The following DKKL1 variants were observed in gnomAD, a reference collection of about 807,000 sequenced individuals.
The protein encoded by DKKL1 is dickkopf-like protein 1.
Under a neutral mutation model 16.5 loss-of-function variants are expected in DKKL1, and 11 were observed. The observed-to-expected ratio is 0.67, with a 90% confidence interval of 0.42 to 1.10. DKKL1 has a LOEUF of 1.10. Ranked by LOEUF, DKKL1 falls within the 50% of genes least tolerant of loss-of-function variation. The probability of loss-of-function intolerance (pLI) is 0.00; values close to 1 mark genes in which losing one functional copy is unlikely to be tolerated. For missense variants in DKKL1, 320 were observed against 308.1 expected (o/e 1.04, Z -0.29); for synonymous variants, 119 against 133.2 (o/e 0.89, Z 0.73).
At chr19:49,364,320 C>G (rs1973158666) in intron 1 of DKKL1, among the ~76,000 whole-genome samples, 2 of 149,094 alleles carry the variant, frequency 1.3e-5, no homozygotes, top group Admixed American at 6.7e-5. Flanking sequence ...CCACTGTACT[C>G]CAGCCTGGAC....
At position 49,367,406 on chromosome 19, in the gene DKKL1, C is replaced by CTTT. The variant is rs10648468; in HGVS notation, c.417+1537_417+1539dup. On this transcript the variant is annotated intron_variant, in intron 4 of 4. Coordinates refer to ENST00000221498, the MANE Select transcript of DKKL1 (RefSeq NM_014419.4). The stretch of plus-strand genomic sequence containing the variant: ...CGTTGTGTATTTCACCTTTGGTAAA[C>CTTT]TTTTTTTTTTTTTTTTTTGGAGACG... Among the ~76,000 whole-genome samples, 31 of 131,788 alleles carry CTTT rather than the reference C, an allele frequency of 2.4e-4. 1 individual carries two copies. The highest frequency in any genetic ancestry group is 4.3e-3 in the Middle Eastern group (1 of 234). The allele number at this position is 131,788 out of a possible 152,430, so 86.5% of individuals were successfully genotyped here.
chr19:49,375,017 C>A lies in DKKL1; in HGVS notation c.718C>A (p.Arg240=). 6.2e-7 allele frequency: 1 copy of A among 1,605,966 alleles called. No individual in the cohort carries two copies. Among genetic ancestry groups the A allele is most frequent in the Non-Finnish European group, 8.5e-7 (1 of 1,175,968 alleles). ...CTTACTGTACATCCTCAGGCCCTCT[C>A]GGCAGCTGTAGGGGTGGGGACCGGG... ...THLLYILRPS[R]QL is the part of the protein sequence containing the mutation. Residue 240 remains arginine, a synonymous_variant, in exon 5 of 5, where the codon CGG becomes AGG. Coordinates refer to ENST00000221498, the MANE Select transcript of DKKL1 (RefSeq NM_014419.4).
At chr19:49,363,728 G>GA (rs1446030881), upstream of DKKL1, 13 of 544,924 alleles carry the variant, frequency 2.4e-5, no homozygotes, top group Non-Finnish European at 4.0e-5. Flanking sequence ...AAGGGGTGTG[G>GA]TGAACGAAGG....
At chr19:49,364,841 GGACA>G in intron 2 of DKKL1, 87 bp downstream of exon 2, 1 of 1,505,684 alleles carries the variant, frequency 6.6e-7, no homozygotes, top group Admixed American at 2.0e-5. Flanking sequence ...CCAGGCAGGG[GGACA>G]GACAGGATGA....
intron 1 of DKKL1, 79 bp from the exon 2 acceptor site, chr19:49,364,503 T>G: frequency 7.5e-7 from 1 of 1,339,760 alleles, no homozygotes; most frequent in Non-Finnish European, 1.0e-6. Flanking sequence ...GGAGGCGACC[T>G]GGGCAAGGTG....
chr19:49,364,347 CAAAA>C (rs566267475), intron 1 of DKKL1, among the ~76,000 whole-genome samples: 3 of 76,774 alleles, frequency 3.9e-5, no homozygotes, highest in Non-Finnish European at 5.1e-5. Flanking sequence ...GTCTCGGTCT[CAAAA>C]AAAAAAAAAA....
intron 2 of DKKL1, among the ~76,000 whole-genome samples, chr19:49,364,959 G>A (rs901339082): frequency 2.0e-5 from 3 of 152,096 alleles, no homozygotes. Flanking sequence ...TTGGAGCCCA[G>A]TACTTGGAGA....
At chr19:49,364,906 G>T (rs899358005) in intron 2 of DKKL1, 152 bp downstream of exon 2, 1 of 1,001,572 alleles carries the variant, frequency 1.0e-6, no homozygotes, top group Non-Finnish European at 1.5e-6. Context: ...ACTGGGCCCA[G>T]GCTATAATCA....
At chr19:49,371,454 T>C (rs1244439831) in intron 4 of DKKL1, among the ~76,000 whole-genome samples, 1 of 152,222 alleles carries the variant, frequency 6.6e-6, no homozygotes, top group East Asian at 1.9e-4. Context: ...ATTACTCAAA[T>C]AATTTTTCAA....
intron 4 of DKKL1, among the ~76,000 whole-genome samples, chr19:49,367,228 T>C (rs902696916): frequency 2.1e-5 from 3 of 140,804 alleles, no homozygotes; most frequent in African/African-American, 9.5e-5. Flanking sequence ...GGTTTCGCCA[T>C]GTTGGCCATG....
intron 4 of DKKL1, among the ~76,000 whole-genome samples, chr19:49,371,780 C>A (rs549700291): frequency 5.3e-5 from 8 of 152,054 alleles, no homozygotes; most frequent in African/African-American, 1.5e-4. Context: ...CCCCCCACCC[C>A]CCACCGACAG....
chr19:49,363,496 CGCAGGGGCGTGGTCCAGT>C (rs369540057), upstream of DKKL1: 42 of 219,518 alleles, frequency 1.9e-4, no homozygotes, highest in Admixed American at 4.7e-4. Flanking sequence ...AGATCTGGGA[CGCAGGGGCGTGGTCCAGT>C]GCAGGGGCGT....
In DKKL1 at chr19:49,363,955, C is replaced by A. The variant is rs1415675270; in HGVS notation, c.-44C>A. 5.6e-6 allele frequency: 9 copies of A among 1,610,730 alleles called. No homozygotes were observed. The highest frequency in any genetic ancestry group is 6.8e-6 in the Non-Finnish European group (8 of 1,178,428). On this transcript the variant is annotated 5_prime_UTR_variant, in exon 1 of 5. It adds an upstream start codon to the 5' untranslated region. Coordinates refer to ENST00000221498, the MANE Select transcript of DKKL1 (RefSeq NM_014419.4). ...GAATCCGGGAGTCCGGTGACCCGGG[C>A]TGTGGTCTAGCATAAAGGCGGAGCC...
intron 3 of DKKL1, 56 bp from the exon 4 acceptor site, chr19:49,365,737 A>G: frequency 1.2e-6 from 2 of 1,602,044 alleles, no homozygotes; most frequent in Non-Finnish European, 1.7e-6. Context: ...TTGGGAGGGA[A>G]GGAGGGCGGA....
In DKKL1 at chr19:49,366,103, A is replaced by AT. The variant is rs548854623; in HGVS notation, c.417+225dup. Among the ~76,000 whole-genome samples, 26 of 151,800 alleles carry AT rather than the reference A, an allele frequency of 1.7e-4. 1 individual carries two copies. The South Asian group carries it at 5.4e-3, about 32-fold the overall frequency. On this transcript the variant is annotated intron_variant, in intron 4 of 4. Coordinates refer to ENST00000221498, the MANE Select transcript of DKKL1 (RefSeq NM_014419.4). ...CCACCACGCCCGGCTAATTTTTTGT[A>AT]TTTTTTTAGTAGAGACAGGGTTTCT...
At chr19:49,373,477 G>A (rs1221864603) in intron 4 of DKKL1, among the ~76,000 whole-genome samples, 4 of 152,022 alleles carry the variant, frequency 2.6e-5, no homozygotes, top group South Asian at 2.1e-4. Flanking sequence ...TTGTTTGTTC[G>A]TTTGTTTTTT....
intron 4 of DKKL1, chr19:49,369,684 C>T (rs35042238): frequency 0.12 from 18,041 of 152,414 alleles, 1,366 homozygotes; most frequent in South Asian, 0.22. Context: ...CGCCCAGCCA[C>T]TCTGAGAAAG....
At chr19:49,361,231 G>A (rs140290544), upstream of DKKL1, among the ~76,000 whole-genome samples, 681 of 35,996 alleles carry the variant, frequency 0.019, 14 homozygotes, top group African/African-American at 0.04. Flanking sequence ...GAGAGAGGGT[G>A]ACAGAGACCC....
At chr19:49,364,901 GC>G in intron 2 of DKKL1, 147 bp downstream of exon 2, 1 of 1,039,168 alleles carries the variant, frequency 9.6e-7, no homozygotes, top group Non-Finnish European at 1.4e-6. Context: ...AAGGGACTGG[GC>G]CCAGGCTATA....
Sources: allele counts gnomAD v4.1 joint callset (sites outside exome capture counted in the v4.1 genomes callset), GRCh38; gene constraint gnomAD v4.1.1; transcripts MANE v1.5; gene names NCBI Gene and HGNC (gene_info 2026-07-23, HGNC 2026-07-21).